The following TMEM117 variants were observed in gnomAD, a reference collection of about 807,000 sequenced individuals.
TMEM117 encodes transmembrane protein 117.
In TMEM117, 27 loss-of-function variants were observed where a neutral mutation model predicts 52.4. The ratio of observed to expected loss-of-function variants is 0.51; its 90% CI spans 0.38 to 0.71. TMEM117 has a LOEUF of 0.71. Ranked by LOEUF, TMEM117 falls within the 30% of genes least tolerant of loss-of-function variation. TMEM117 has a pLI of 0.00. For synonymous variants in TMEM117, 215 were observed against 206.3 expected, an observed-to-expected ratio of 1.04 and a Z score of -0.36; for missense variants, 556 against 630.5, an observed-to-expected ratio of 0.88 and a Z score of 1.26.
At chr12:44,191,770 G>A (rs975800155) in intron 4 of TMEM117, among the ~76,000 whole-genome samples, 49 of 151,964 alleles carry the variant, frequency 3.2e-4, no homozygotes, top group African/African-American at 1.1e-3. Flanking sequence ...CTTAGTGGAG[G>A]GGCACAGAAT....
At chr12:44,133,278 G>A (rs1948442752) in intron 3 of TMEM117, among the ~76,000 whole-genome samples, 1 of 152,186 alleles carries the variant, frequency 6.6e-6, no homozygotes, top group Non-Finnish European at 1.5e-5. Context: ...CATCAGTTGA[G>A]GAGAGGGTAT....
At chr12:44,058,161 C>A (rs541396992) in intron 3 of TMEM117, among the ~76,000 whole-genome samples, 6 of 151,176 alleles carry the variant, frequency 4.0e-5, no homozygotes, top group African/African-American at 1.5e-4. Context: ...TTTTCTGGGA[C>A]AATCATCATA....
At chr12:44,039,325 AT>A in intron 3 of TMEM117, among the ~76,000 whole-genome samples, 1 of 151,256 alleles carries the variant, frequency 6.6e-6, no homozygotes, top group East Asian at 1.9e-4. Context: ...ACCATATTTT[AT>A]TAATCACTAT....
At chr12:44,000,386 A>G (rs1338424859) in intron 3 of TMEM117, among the ~76,000 whole-genome samples, 1 of 152,066 alleles carries the variant, frequency 6.6e-6, no homozygotes, top group African/African-American at 2.4e-5. Flanking sequence ...GAGGCAAGTG[A>G]CCCTTGTTTG....
intron 4 of TMEM117, among the ~76,000 whole-genome samples, chr12:44,151,879 TTATAA>T (rs1387915635): frequency 4.6e-5 from 6 of 131,544 alleles, no homozygotes; most frequent in East Asian, 2.4e-4. Context: ...ATATTATATA[TTATAA>T]TATATATTTA....
At chr12:44,103,894 G>T (rs1178531385) in intron 3 of TMEM117, among the ~76,000 whole-genome samples, 1 of 151,674 alleles carries the variant, frequency 6.6e-6, no homozygotes, top group East Asian at 1.9e-4. Flanking sequence ...ATTGAATTTT[G>T]TTCCTGTTTT....
At chr12:44,011,724 A>T (rs1330259934) in intron 3 of TMEM117, among the ~76,000 whole-genome samples, 1 of 152,192 alleles carries the variant, frequency 6.6e-6, no homozygotes, top group Non-Finnish European at 1.5e-5. Flanking sequence ...TAAGATATTA[A>T]TAATATTAAT....
intron 4 of TMEM117, among the ~76,000 whole-genome samples, chr12:44,187,001 G>A (rs1442946158): frequency 6.6e-6 from 1 of 152,084 alleles, no homozygotes; most frequent in Non-Finnish European, 1.5e-5. Flanking sequence ...GGGAGAACCT[G>A]GGAGTATGTA....
chr12:44,095,490 A>C (rs1947742627), intron 3 of TMEM117, among the ~76,000 whole-genome samples: 2 of 152,124 alleles, frequency 1.3e-5, no homozygotes, highest in African/African-American at 2.4e-5. Context: ...CAAAGTGGGG[A>C]AAGAAATGGA....
chr12:43,805,453 T>C, the TMEM117 span: 5 of 434,006 alleles, frequency 1.2e-5, no homozygotes, highest in Non-Finnish European at 2.3e-5. Flanking sequence ...AGCTTGAGTT[T>C]ACACTAGAAC....
chr12:44,007,722 G>C (rs750146867), intron 3 of TMEM117, among the ~76,000 whole-genome samples: 2 of 152,074 alleles, frequency 1.3e-5, no homozygotes, highest in African/African-American at 4.8e-5. Flanking sequence ...TTGAATCATG[G>C]GGGCTAGTAT....
At chr12:44,277,760 G>A (rs1389001723) in intron 5 of TMEM117, among the ~76,000 whole-genome samples, 2 of 123,270 alleles carry the variant, frequency 1.6e-5, no homozygotes, top group Admixed American at 1.7e-4. Flanking sequence ...AAAACTCTGA[G>A]CTTTTTTTTT....
intron 3 of TMEM117, among the ~76,000 whole-genome samples, chr12:44,093,223 G>A (rs2138049839): frequency 6.6e-6 from 1 of 152,124 alleles, no homozygotes; most frequent in African/African-American, 2.4e-5. Flanking sequence ...AGAATAACAT[G>A]CCAGAATTAC....
chr12:43,894,416 G>A (rs1471899327), intron 2 of TMEM117, among the ~76,000 whole-genome samples: 2 of 151,734 alleles, frequency 1.3e-5, no homozygotes, highest in African/African-American at 4.8e-5. Flanking sequence ...TTTTAAGTTT[G>A]GGGGTACATA....
chr12:44,295,225 A>AC (rs1392770863), intron 5 of TMEM117, among the ~76,000 whole-genome samples: 2 of 152,066 alleles, frequency 1.3e-5, no homozygotes, highest in Admixed American at 6.5e-5. Flanking sequence ...TTTATTTGAG[A>AC]CAGGGTCTTG....
chr12:44,073,380 A>G (rs1947333678), intron 3 of TMEM117: 1 of 149,396 alleles, frequency 6.7e-6, no homozygotes, highest in Admixed American at 6.6e-5. Flanking sequence ...CCCACCCCCA[A>G]TACCCCATCA....
intron 5 of TMEM117, among the ~76,000 whole-genome samples, chr12:44,216,346 G>A (rs1949718760): frequency 6.6e-6 from 1 of 152,006 alleles, no homozygotes; most frequent in African/African-American, 2.4e-5. Flanking sequence ...GGAAGCCTGT[G>A]TCTAGCTGGA....
rs1021175530 is a variant in TMEM117 at position 44,178,115 on chromosome 12, A to G, written c.511-33175A>G. Among the ~76,000 whole-genome samples the G allele has an allele frequency of 2.6e-5, 4 of 152,156 alleles. No individual in the cohort carries two copies. In the South Asian group the frequency reaches 8.3e-4, roughly 32 times the overall value. ...TTCAAGATGCTTCCGTATCTTGGAC[A>G]CTTACCAATCTTTTTCTTAAAATGT... On this transcript the variant is annotated intron_variant, in intron 4 of 7. Transcript: ENST00000266534.
intron 3 of TMEM117, among the ~76,000 whole-genome samples, chr12:43,991,899 C>G (rs73085788): frequency 0.091 from 13,872 of 152,226 alleles, 997 homozygotes; most frequent in African/African-American, 0.19. Context: ...TGAAGCCAAA[C>G]TGAACTTAAT....
Sources: gnomAD v4.1 joint callset for allele counts (sites outside exome capture counted in the v4.1 genomes callset) on GRCh38, gnomAD v4.1.1 for gene constraint, MANE v1.5 for transcripts, NCBI Gene and HGNC (gene_info 2026-07-23, HGNC 2026-07-21) for gene names.